The following KCNH7 variants were observed in gnomAD, a reference collection of about 807,000 sequenced individuals.
KCNH7 encodes the protein potassium voltage-gated channel subfamily H member 7.
KCNH7 carries 49 observed loss-of-function variants against 120.8 expected under a neutral mutation model. The ratio of observed to expected loss-of-function variants is 0.41; its 90% CI spans 0.32 to 0.51. The LOEUF (loss-of-function observed/expected upper bound fraction) is 0.51. Among genes scored for constraint, KCNH7 ranks in the 20% least tolerant of loss-of-function variants. The probability of loss-of-function intolerance (pLI) is 0.38; values close to 1 mark genes in which losing one functional copy is unlikely to be tolerated. For synonymous variants in KCNH7, 547 were observed against 516.1 expected (o/e 1.06, Z -0.81); for missense variants, 1,097 against 1,446.6 (o/e 0.76, Z 3.92).
At chr2:162,377,705 C>G (rs752197826) in intron 14 of KCNH7, among the ~76,000 whole-genome samples, 2 of 152,046 alleles carry the variant, frequency 1.3e-5, no homozygotes, top group Non-Finnish European at 2.9e-5. Context: ...CTGGCCCTCC[C>G]CAGCTCTATT....
In KCNH7 at chr2:162,372,091, G is replaced by A; in HGVS notation, c.3329C>T (p.Pro1110Leu). 6.2e-7 allele frequency: 1 copy of A among 1,606,116 alleles called. No homozygotes were observed. Among genetic ancestry groups the A allele is most frequent in the African/African-American group, 1.3e-5 (1 of 74,710 alleles). ...DRSFSPSSQC[P>L]EFLDLEKSKL... ...AGATTTTTCAAGGTCTAGAAATTCA[G>A]GACACTGATGGAAAAAGAACAAAAC... The change falls in exon 16 of 16, where the codon CCT becomes CTT. Residue 1110 changes from proline to leucine, a missense_variant. Around this residue, in one of 8 missense-constraint regions of KCNH7, gnomAD observed 406 missense variants for 410.5 expected, o/e 0.99. Transcript: ENST00000332142.
chr2:162,631,109 A>T (rs919448096), intron 2 of KCNH7, among the ~76,000 whole-genome samples: 1 of 152,154 alleles, frequency 6.6e-6, no homozygotes, highest in African/African-American at 2.4e-5. Context: ...CAGGCTTGCA[A>T]GCTGAGCAGG....
At chr2:162,702,970 GGT>G (rs778149696) in intron 2 of KCNH7, among the ~76,000 whole-genome samples, 4 of 151,988 alleles carry the variant, frequency 2.6e-5, no homozygotes, top group Non-Finnish European at 5.9e-5. Flanking sequence ...ACTAGATCTT[GGT>G]AAGAACACAA....
intron 3 of KCNH7, among the ~76,000 whole-genome samples, chr2:162,521,261 CACAA>C (rs979209400): frequency 1.4e-4 from 21 of 151,866 alleles, no homozygotes; most frequent in African/African-American, 4.8e-4. Flanking sequence ...AATGAATTTT[CACAA>C]ACAGATTCTA....
chr2:162,691,261 T>C (rs1686092135), intron 2 of KCNH7, among the ~76,000 whole-genome samples: 1 of 152,194 alleles, frequency 6.6e-6, no homozygotes, highest in Non-Finnish European at 1.5e-5. Context: ...TATATTTTTC[T>C]AGGACCACTG....
intron 2 of KCNH7, among the ~76,000 whole-genome samples, chr2:162,692,446 C>A (rs952932031): frequency 1.3e-5 from 2 of 152,038 alleles, no homozygotes; most frequent in Admixed American, 6.6e-5. Context: ...TCATACACAC[C>A]ACACACAAAC....
At chr2:162,575,547 C>T (rs1188954631) in intron 2 of KCNH7, among the ~76,000 whole-genome samples, 1 of 152,040 alleles carries the variant, frequency 6.6e-6, no homozygotes, top group Non-Finnish European at 1.5e-5. Flanking sequence ...CAAATGCTGT[C>T]CTGGCTAGCT....
At chr2:162,833,130 T>C (rs16847443) in intron 2 of KCNH7, among the ~76,000 whole-genome samples, 8,323 of 152,210 alleles carry the variant, frequency 0.055, 308 homozygotes, top group South Asian at 0.11. Flanking sequence ...ATTTACTTTG[T>C]TTTTTCAAAT....
intron 2 of KCNH7, among the ~76,000 whole-genome samples, chr2:162,644,146 A>T (rs1050024969): frequency 1.3e-5 from 2 of 152,070 alleles, no homozygotes; most frequent in Non-Finnish European, 2.9e-5. Context: ...ATTCAGAAAA[A>T]CAAATGGACT....
chr2:162,807,387 A>G (rs1485757068), intron 2 of KCNH7, among the ~76,000 whole-genome samples: 1 of 151,596 alleles, frequency 6.6e-6, no homozygotes, highest in Admixed American at 6.6e-5. Flanking sequence ...CAATGAGCCG[A>G]TATGGTGCCA....
intron 2 of KCNH7, among the ~76,000 whole-genome samples, chr2:162,819,427 A>C (rs904023716): frequency 6.6e-6 from 1 of 152,224 alleles, no homozygotes; most frequent in Non-Finnish European, 1.5e-5. Context: ...GCAGCACCCT[A>C]AAGCAAATGA....
intron 2 of KCNH7, among the ~76,000 whole-genome samples, chr2:162,741,143 T>G (rs1208665533): frequency 6.6e-6 from 1 of 151,880 alleles, no homozygotes; most frequent in Non-Finnish European, 1.5e-5. Context: ...TTTAGTTTCA[T>G]GTCATGGCAT....
At position 162,504,484 on chromosome 2, in the gene KCNH7, C is replaced by A; in HGVS notation, c.1087G>T (p.Val363Phe). 1 of 1,613,050 alleles carries A rather than the reference C, an allele frequency of 6.2e-7. No homozygotes were observed. Among genetic ancestry groups the A allele is most frequent in the African/African-American group, 1.3e-5 (1 of 74,942 alleles). The change falls in exon 6 of 16, where the codon GTT becomes TTT. Residue 363 changes from valine (V) to phenylalanine (F), a missense_variant. Val to Phe is a conservative substitution (Grantham distance 50, BLOSUM62 -1). Transcript: ENST00000332142. ...SSDKTIIAPK[V>F]KDRTHNVTEK... ...GTCACATTGTGTGTTCGATCTTTAA[C>A]CTTGGGTGCAATAATGGTTTTATCT...
intron 2 of KCNH7, among the ~76,000 whole-genome samples, chr2:162,726,576 C>G (rs751756562): frequency 6.6e-6 from 1 of 152,032 alleles, no homozygotes; most frequent in African/African-American, 2.4e-5. Flanking sequence ...CCTGCCACCA[C>G]GCCCAGCTAA....
chr2:162,606,972 T>C (rs73026695), intron 2 of KCNH7, among the ~76,000 whole-genome samples: 4,270 of 152,216 alleles, frequency 0.028, 224 homozygotes, highest in African/African-American at 0.098. Flanking sequence ...ATATTATCAC[T>C]AAAATTGTTT....
At chr2:162,447,482 AGCAATTTAAAAAGG>A (rs1688620573) in intron 6 of KCNH7, among the ~76,000 whole-genome samples, 1 of 152,142 alleles carries the variant, frequency 6.6e-6, no homozygotes, top group South Asian at 2.1e-4. Context: ...GCATAAAAAG[AGCAATTTAAAAAGG>A]GAAATGTGGG....
At chr2:162,504,955 T>C (rs1690820157) in intron 5 of KCNH7, among the ~76,000 whole-genome samples, 1 of 152,064 alleles carries the variant, frequency 6.6e-6, no homozygotes, top group African/African-American at 2.4e-5. Context: ...CTACACTCTC[T>C]GTTACTGGTC....
chr2:162,675,187 T>C (rs1012584574), intron 2 of KCNH7, among the ~76,000 whole-genome samples: 19 of 151,412 alleles, frequency 1.3e-4, no homozygotes, highest in African/African-American at 4.6e-4. Flanking sequence ...ACAAATGATA[T>C]ATTATATATG....
intron 6 of KCNH7, among the ~76,000 whole-genome samples, chr2:162,471,919 T>C (rs565055498): frequency 2.6e-4 from 40 of 152,208 alleles, no homozygotes; most frequent in Non-Finnish European, 8.8e-5. Flanking sequence ...AACAGAGCCC[T>C]CAGAAATAAT....
Sources: gnomAD v4.1 joint callset for allele counts (sites outside exome capture counted in the v4.1 genomes callset) on GRCh38, gnomAD v4.1.1 for gene constraint, gnomAD v4.1.1 regional missense constraint, MANE v1.5 for transcripts, NCBI Gene and HGNC (gene_info 2026-07-23, HGNC 2026-07-21) for gene names.